Variants in MALRD1 observed in about 807,000 individuals in gnomAD.
MALRD1 encodes the protein MAM and LDL-receptor class A domain-containing protein 1.
MALRD1 carries 247 observed loss-of-function variants against 242.1 expected under a neutral mutation model. That is an observed-to-expected ratio of 1.02 (90% CI 0.92 to 1.13). MALRD1 has a LOEUF of 1.13. MALRD1 is among the 50% of genes most tolerant of loss of function. The pLI is 0.00. For synonymous variants in MALRD1, 995 were observed against 866.6 expected, an observed-to-expected ratio of 1.15 and a Z score of -2.60; for missense variants, 2,989 against 2,533.1, an observed-to-expected ratio of 1.18 and a Z score of -3.86.
intron 2 of MALRD1, among the ~76,000 whole-genome samples, chr10:19,086,562 C>T (rs11008423): frequency 0.2 from 30,612 of 152,014 alleles, 3,277 homozygotes; most frequent in African/African-American, 0.28. Context: ...CATTTGAAAG[C>T]ATCTGGGCTC....
At chr10:19,707,227 T>C (rs1277935677) in intron 38 of MALRD1, among the ~76,000 whole-genome samples, 3 of 151,512 alleles carry the variant, frequency 2.0e-5, no homozygotes, top group African/African-American at 7.3e-5. Flanking sequence ...CTTCTTCTCC[T>C]TCTCCTCCTT....
intron 4 of MALRD1, among the ~76,000 whole-genome samples, chr10:19,102,073 T>TAAC (rs113814881): frequency 0.54 from 77,420 of 142,978 alleles, 21,052 homozygotes; most frequent in Admixed American, 0.59. Context: ...AATTATAACA[T>TAAC]ATATATGGTA....
chr10:19,211,216 C>T lies in MALRD1; in HGVS notation c.2991+1536C>T, dbSNP rs1394240052. On this transcript the variant is annotated intron_variant, in intron 18 of 39. Transcript: ENST00000454679. The stretch of plus-strand genomic sequence containing the variant: ...GATCGACGTGGGACTAACCAAGGAA[C>T]ACTTTCGTCATGAACCTCAAACATG... Among the ~76,000 whole-genome samples, 7 of 152,198 alleles carry T rather than the reference C, an allele frequency of 4.6e-5. No individual in the cohort carries two copies. The South Asian group carries it at 1.0e-3, about 23-fold the overall frequency.
chr10:19,192,576 A>G (rs1836037077), intron 14 of MALRD1, among the ~76,000 whole-genome samples: 2 of 152,312 alleles, frequency 1.3e-5, no homozygotes, highest in South Asian at 2.1e-4. Context: ...AGAATAAGCC[A>G]GGAAGATTTC....
At chr10:19,585,535 A>G (rs1837346740) in intron 33 of MALRD1, among the ~76,000 whole-genome samples, 1 of 151,984 alleles carries the variant, frequency 6.6e-6, no homozygotes, top group African/African-American at 2.4e-5. Context: ...CTTTTCTTTA[A>G]GAATGTTGAA....
intron 18 of MALRD1, among the ~76,000 whole-genome samples, chr10:19,246,376 C>T (rs1284456470): frequency 2.6e-5 from 4 of 152,120 alleles, no homozygotes; most frequent in Non-Finnish European, 5.9e-5. Context: ...GAAGACCAGA[C>T]ACAAGCTGAA....
chr10:19,472,289 TGAGTTCTGTTTGCTAGA>T (rs1416881644), intron 29 of MALRD1, among the ~76,000 whole-genome samples: 1 of 152,030 alleles, frequency 6.6e-6, no homozygotes, highest in Non-Finnish European at 1.5e-5. Context: ...AGTGTGCTGT[TGAGTTCTGTTTGCTAGA>T]GCTTTGCTGA....
intron 28 of MALRD1, among the ~76,000 whole-genome samples, chr10:19,432,084 A>G (rs2358395): frequency 0.18 from 27,746 of 152,138 alleles, 2,960 homozygotes; most frequent in Middle Eastern, 0.33. Flanking sequence ...CTTGAATGTC[A>G]TGGATTGGGG....
At chr10:19,203,668 T>G in intron 14 of MALRD1, 60 bp from the exon 15 acceptor site, 1 of 1,449,798 alleles carries the variant, frequency 6.9e-7, no homozygotes, top group East Asian at 2.5e-5. Context: ...GAGCTCTGCC[T>G]TTTCAAAGTG....
intron 18 of MALRD1, among the ~76,000 whole-genome samples, chr10:19,253,982 C>T (rs72796418): frequency 0.079 from 11,962 of 151,892 alleles, 607 homozygotes; most frequent in Non-Finnish European, 0.11. Context: ...ACCCTTTGCT[C>T]GTGTCTCATT....
intron 24 of MALRD1, among the ~76,000 whole-genome samples, chr10:19,341,502 G>A (rs1011210751): frequency 1.7e-5 from 2 of 116,840 alleles, no homozygotes; most frequent in Admixed American, 8.1e-5. Context: ...ATGTATATAT[G>A]TATATATATG....
chr10:19,729,188 A>C (rs1835173904), intron 38 of MALRD1, among the ~76,000 whole-genome samples: 1 of 152,212 alleles, frequency 6.6e-6, no homozygotes, highest in Non-Finnish European at 1.5e-5. Flanking sequence ...GCTAGATTAG[A>C]CTGTTAGGCT....
intron 30 of MALRD1, among the ~76,000 whole-genome samples, chr10:19,498,014 G>C (rs1020012002): frequency 6.6e-6 from 1 of 152,138 alleles, no homozygotes; most frequent in Non-Finnish European, 1.5e-5. Context: ...GATTGGTATG[G>C]TGTCCAAGAT....
intron 38 of MALRD1, among the ~76,000 whole-genome samples, chr10:19,709,290 G>A (rs1834004939): frequency 6.6e-6 from 1 of 150,726 alleles, no homozygotes; most frequent in South Asian, 2.1e-4. Context: ...GCCAGGCATG[G>A]TGGCATGCAC....
chr10:19,526,369 C>CATAT (rs776392530), intron 31 of MALRD1, among the ~76,000 whole-genome samples: 132 of 143,942 alleles, frequency 9.2e-4, no homozygotes, highest in Middle Eastern at 3.6e-3. Flanking sequence ...AAAAAAAATA[C>CATAT]ATATATATAT....
chr10:19,411,431 T>G (rs1379464817), intron 28 of MALRD1, among the ~76,000 whole-genome samples: 1 of 152,160 alleles, frequency 6.6e-6, no homozygotes. Context: ...AATGGAACAA[T>G]TAATGGTACC....
intron 18 of MALRD1, among the ~76,000 whole-genome samples, chr10:19,226,595 A>G (rs1837811775): frequency 6.6e-6 from 1 of 152,052 alleles, no homozygotes; most frequent in Non-Finnish European, 1.5e-5. Context: ...GTCCTTTTGG[A>G]TAAATTACAA....
chr10:19,172,940 C>T (rs1835074203), intron 13 of MALRD1, among the ~76,000 whole-genome samples: 1 of 151,902 alleles, frequency 6.6e-6, no homozygotes, highest in Non-Finnish European at 1.5e-5. Context: ...TATTTTCTGC[C>T]TCTGGAATGA....
intron 38 of MALRD1, among the ~76,000 whole-genome samples, chr10:19,718,478 T>C (rs1277914944): frequency 6.6e-6 from 1 of 152,094 alleles, no homozygotes; most frequent in East Asian, 1.9e-4. Flanking sequence ...CCAAATCACA[T>C]GAACTCAACG....
Sources: allele counts gnomAD v4.1 joint callset (sites outside exome capture counted in the v4.1 genomes callset), GRCh38; gene constraint gnomAD v4.1.1; transcripts MANE v1.5; gene names NCBI Gene and HGNC (gene_info 2026-07-23, HGNC 2026-07-21).